Variants in EXOC2 observed in about 807,000 individuals in gnomAD.
The protein encoded by EXOC2 is exocyst complex component 2.
In EXOC2, 70 loss-of-function variants were observed where a neutral mutation model predicts 131.8. The ratio of observed to expected loss-of-function variants is 0.53; its 90% CI spans 0.44 to 0.65. The LOEUF is 0.65. EXOC2 is among the 30% of genes least tolerant of loss of function. The probability of loss-of-function intolerance (pLI) is 0.00; values close to 1 mark genes in which losing one functional copy is unlikely to be tolerated. For synonymous variants in EXOC2, 411 were observed against 398.4 expected, an observed-to-expected ratio of 1.03 and a Z score of -0.38; for missense variants, 923 against 1,108.6, an observed-to-expected ratio of 0.83 and a Z score of 2.38.
intron 17 of EXOC2, among the ~76,000 whole-genome samples, chr6:557,724 T>C (rs928007068): frequency 6.6e-6 from 1 of 150,808 alleles, no homozygotes; most frequent in Non-Finnish European, 1.5e-5. Context: ...TGTGAGAACA[T>C]TGATGCTGAG....
chr6:681,973 A>G (rs981384547), intron 1 of EXOC2, among the ~76,000 whole-genome samples: 1 of 152,228 alleles, frequency 6.6e-6, no homozygotes. Context: ...GTAGAAATGG[A>G]GGGAATCTGT....
At chr6:488,894 A>G in intron 27 of EXOC2, 85 bp downstream of exon 27, 2 of 1,389,350 alleles carry the variant, frequency 1.4e-6, no homozygotes, top group East Asian at 2.3e-5. Flanking sequence ...TAGAATCCAA[A>G]TCATTATTTT....
At chr6:549,933 A>G (rs1320526241) in intron 21 of EXOC2, among the ~76,000 whole-genome samples, 1 of 152,262 alleles carries the variant, frequency 6.6e-6, no homozygotes, top group Non-Finnish European at 1.5e-5. Context: ...GGTACAAGCC[A>G]GTTACTTCTA....
At chr6:488,193 G>A (rs1763198063) in intron 27 of EXOC2, among the ~76,000 whole-genome samples, 1 of 152,194 alleles carries the variant, frequency 6.6e-6, no homozygotes, top group Admixed American at 6.5e-5. Context: ...GATGCCATGT[G>A]ACAGCTCCCC....
intron 1 of EXOC2, among the ~76,000 whole-genome samples, chr6:660,531 G>A (rs1162982472): frequency 6.6e-6 from 1 of 152,222 alleles, no homozygotes; most frequent in Non-Finnish European, 1.5e-5. Flanking sequence ...CTCGCTGGGT[G>A]CTAGACCCAG....
chr6:639,554 C>A (rs1762260357), intron 1 of EXOC2, among the ~76,000 whole-genome samples: 1 of 152,170 alleles, frequency 6.6e-6, no homozygotes, highest in African/African-American at 2.4e-5. Context: ...GTCCACACAA[C>A]TGAAGCATTA....
intron 1 of EXOC2, among the ~76,000 whole-genome samples, chr6:674,469 C>A (rs1192574899): frequency 6.6e-6 from 1 of 152,106 alleles, no homozygotes; most frequent in Non-Finnish European, 1.5e-5. Context: ...TTCTCAAAGC[C>A]TTGCAGTAAT....
chr6:487,618 G>A (rs1340072656), intron 27 of EXOC2, among the ~76,000 whole-genome samples: 1 of 152,084 alleles, frequency 6.6e-6, no homozygotes, highest in Non-Finnish European at 1.5e-5. Flanking sequence ...TGTTGGCCAG[G>A]ATGGTCTTGA....
chr6:574,641 A>T (rs1292918214), intron 12 of EXOC2, among the ~76,000 whole-genome samples: 1 of 152,232 alleles, frequency 6.6e-6, no homozygotes, highest in Admixed American at 6.5e-5. Flanking sequence ...TCTTTACTTA[A>T]GGGCACACTG....
At chr6:602,599 T>C (rs1186136454) in intron 7 of EXOC2, among the ~76,000 whole-genome samples, 1 of 152,190 alleles carries the variant, frequency 6.6e-6, no homozygotes, top group East Asian at 1.9e-4. Flanking sequence ...GGCCATGACT[T>C]TGGCCTCATA....
rs149322855 is a variant in EXOC2 at position 612,389 on chromosome 6, A to G, written c.662-2211T>C. Among the ~76,000 whole-genome samples, 1,260 of 152,332 alleles carry G rather than the reference A, an allele frequency of 8.3e-3. 17 individuals are homozygous for G. The highest frequency in any genetic ancestry group is 0.028 in the African/African-American group (1,182 of 41,558). On this transcript the variant is annotated intron_variant, in intron 6 of 27. Transcript: ENST00000230449. ...TAGGAGAAGAGGAAGGGTTAGTGTA[A>G]GATGCATTAATATTTTAAATTGATA... is the stretch of plus-strand genomic sequence containing the variant.
At chr6:579,414 T>C (rs553974412) in intron 11 of EXOC2, among the ~76,000 whole-genome samples, 3 of 152,204 alleles carry the variant, frequency 2.0e-5, no homozygotes, top group South Asian at 2.1e-4. Context: ...AATTTTCCAA[T>C]TGGTACCCTG....
chr6:659,816 TAACTG>T (rs1480277310), intron 1 of EXOC2, among the ~76,000 whole-genome samples: 1 of 152,180 alleles, frequency 6.6e-6, no homozygotes, highest in Non-Finnish European at 1.5e-5. Context: ...AGGAAATCTC[TAACTG>T]AACTTTGTAA....
In EXOC2 at chr6:564,139, C is replaced by T. The variant is rs763029354; in HGVS notation, c.1683G>A (p.Ser561=). The T allele has an allele frequency of 1.4e-5, 22 of 1,613,710 alleles. No individual in the cohort carries two copies. The highest frequency in any genetic ancestry group is 9.3e-5 in the African/African-American group (7 of 74,920). Residue 561 remains serine, a synonymous_variant, in exon 16 of 28, where the codon TCG becomes TCA. Transcript: ENST00000230449. ...AIQTVRLTHE[S]LTALEIPNDL... ...CATTAGGAATTTCAAGGGCAGTCAA[C>T]GATTCATGAGTAAGTCTGCGAACAA...
intron 7 of EXOC2, among the ~76,000 whole-genome samples, chr6:603,546 C>T (rs1433440428): frequency 6.6e-6 from 1 of 152,132 alleles, no homozygotes. Flanking sequence ...AAACCAACCC[C>T]AATGGGAGTA....
intron 4 of EXOC2, among the ~76,000 whole-genome samples, chr6:621,991 G>A (rs1051099053): frequency 3.3e-5 from 5 of 152,180 alleles, no homozygotes; most frequent in Non-Finnish European, 7.3e-5. Flanking sequence ...GCTGAACCCC[G>A]GCTAAGTGAC....
intron 23 of EXOC2, among the ~76,000 whole-genome samples, chr6:507,354 GA>G (rs1330067413): frequency 1.6e-5 from 1 of 62,800 alleles, no homozygotes; most frequent in African/African-American, 3.9e-5. Flanking sequence ...CCACAGCAGT[GA>G]CCCCACACAC....
At chr6:600,785 T>C (rs1760088980) in intron 7 of EXOC2, among the ~76,000 whole-genome samples, 1 of 152,158 alleles carries the variant, frequency 6.6e-6, no homozygotes, top group South Asian at 2.1e-4. Context: ...TTATAAACTA[T>C]AAAATTATGT....
intron 1 of EXOC2, among the ~76,000 whole-genome samples, chr6:688,868 GC>G (rs1562018793): frequency 6.6e-6 from 1 of 152,082 alleles, no homozygotes; most frequent in Non-Finnish European, 1.5e-5. Context: ...GCCAAACATG[GC>G]CTTTTGTCTC....
Sources: allele counts gnomAD v4.1 joint callset (sites outside exome capture counted in the v4.1 genomes callset), GRCh38; gene constraint gnomAD v4.1.1; transcripts MANE v1.5; gene names NCBI Gene and HGNC (gene_info 2026-07-23, HGNC 2026-07-21).